The following ARHGAP32 variants were observed in gnomAD, a reference collection of about 807,000 sequenced individuals.
ARHGAP32 encodes rho GTPase-activating protein 32.
Under a neutral mutation model 186.5 loss-of-function variants are expected in ARHGAP32, and 51 were observed. The observed-to-expected ratio is 0.27, with a 90% CI of 0.22 to 0.35. The LOEUF (loss-of-function observed/expected upper bound fraction) is 0.35. Among genes scored for constraint, ARHGAP32 ranks in the 10% least tolerant of loss-of-function variants. ARHGAP32 has a pLI of 1.00. For missense variants in ARHGAP32, 2,186 were observed against 2,623.5 expected, an observed-to-expected ratio of 0.83 and a Z score of 3.64; for synonymous variants, 950 against 964.3, an observed-to-expected ratio of 0.99 and a Z score of 0.27.
rs2136058568 is a variant in ARHGAP32, at chr11:128,969,553, C to G, written c.5660G>C (p.Ser1887Thr). The stretch of plus-strand genomic sequence containing the variant: ...TTGGTGTGCCCTGTGCTCAGGAAGA[C>G]TGCAGCCCATGTCAGGAAGCTTCCT... ...RSRKLPDMGC[S>T]LPEHRAHQEA... Residue 1887 changes from serine (S) to threonine (T), a missense_variant, in exon 23 of 23, where the codon AGT becomes ACT. Physicochemically the swap from Ser to Thr is moderately conservative, Grantham distance 58. Around this residue, in one of 5 missense-constraint regions of ARHGAP32, gnomAD observed 1,502 missense variants for 1,570.0 expected, o/e 0.96. Coordinates refer to ENST00000682385, the MANE Select transcript of ARHGAP32 (RefSeq NM_001378024.1). The surrounding 1 kb of genome is among the most constrained non-coding windows in gnomAD (Gnocchi z 4.8). 1 of 1,614,140 alleles carries G rather than the reference C, an allele frequency of 6.2e-7. No individual in the cohort carries two copies.
At chr11:129,039,329 T>C (rs11221546) in intron 11 of ARHGAP32, among the ~76,000 whole-genome samples, 29,769 of 152,108 alleles carry the variant, frequency 0.2, 3,103 homozygotes, top group Non-Finnish European at 0.23. Flanking sequence ...TCCAAATGAA[T>C]AAACAAATAA....
At chr11:129,110,672 T>A (rs1168789570) in intron 5 of ARHGAP32, among the ~76,000 whole-genome samples, 1 of 152,156 alleles carries the variant, frequency 6.6e-6, no homozygotes, top group Non-Finnish European at 1.5e-5. Flanking sequence ...TTAAATTTAT[T>A]CCTAGGTTTT....
At chr11:129,121,114 A>G (rs1942517278) in intron 5 of ARHGAP32, among the ~76,000 whole-genome samples, 1 of 152,106 alleles carries the variant, frequency 6.6e-6, no homozygotes, top group South Asian at 2.1e-4. Context: ...ACTGAGACAT[A>G]GGAACTTTAT....
chr11:129,090,045 T>C (rs915408083), intron 6 of ARHGAP32, among the ~76,000 whole-genome samples: 13 of 152,208 alleles, frequency 8.5e-5, no homozygotes, highest in Non-Finnish European at 4.4e-5. Flanking sequence ...TTACTCAACA[T>C]CAATGAACAG....
intron 11 of ARHGAP32, among the ~76,000 whole-genome samples, chr11:129,015,897 C>T (rs1015647414): frequency 6.6e-6 from 1 of 152,142 alleles, no homozygotes; most frequent in African/African-American, 2.4e-5. Flanking sequence ...GCACAAGTGA[C>T]AGGACTTCTC....
intron 17 of ARHGAP32, among the ~76,000 whole-genome samples, chr11:128,981,133 A>G (rs1945694927): frequency 6.6e-6 from 1 of 152,158 alleles, no homozygotes; most frequent in Non-Finnish European, 1.5e-5. Context: ...TTTGGAAGCA[A>G]TTTTTCTTCT....
intron 1 of ARHGAP32, among the ~76,000 whole-genome samples, chr11:129,225,492 G>A (rs1458071091): frequency 6.6e-6 from 1 of 152,140 alleles, no homozygotes; most frequent in African/African-American, 2.4e-5. Context: ...GGAGTTTAAG[G>A]AAATCTGTAC....
chr11:129,202,678 C>T (rs1944468993), intron 1 of ARHGAP32, among the ~76,000 whole-genome samples: 1 of 152,038 alleles, frequency 6.6e-6, no homozygotes, highest in African/African-American at 2.4e-5. Flanking sequence ...CTATGAAGAA[C>T]CAAAATCAAT....
chr11:129,127,285 G>A (rs1490573231), intron 2 of ARHGAP32, among the ~76,000 whole-genome samples: 1 of 152,144 alleles, frequency 6.6e-6, no homozygotes, highest in African/African-American at 2.4e-5. Context: ...ATGCAAAAGG[G>A]CCTGACGGGA....
At chr11:129,196,367 C>T (rs968914609), upstream of ARHGAP32, among the ~76,000 whole-genome samples, 9 of 152,284 alleles carry the variant, frequency 5.9e-5, no homozygotes, top group African/African-American at 2.2e-4. Context: ...CAGGCTTCTT[C>T]TTGTCATTAT....
At chr11:129,031,937 T>G (rs918105412) in intron 11 of ARHGAP32, among the ~76,000 whole-genome samples, 1 of 152,144 alleles carries the variant, frequency 6.6e-6, no homozygotes, top group African/African-American at 2.4e-5. Flanking sequence ...CGGCAGGACT[T>G]CAGAGGAGAG....
At chr11:129,026,663 C>G (rs960156206) in intron 11 of ARHGAP32, among the ~76,000 whole-genome samples, 1 of 151,650 alleles carries the variant, frequency 6.6e-6, no homozygotes, top group Non-Finnish European at 1.5e-5. Context: ...CATGGTGGCG[C>G]ATGCCTGTAA....
chr11:129,178,404 G>C (rs1387089082), intron 1 of ARHGAP32, among the ~76,000 whole-genome samples: 1 of 151,676 alleles, frequency 6.6e-6, no homozygotes, highest in African/African-American at 2.4e-5. Context: ...TCCCCATCAA[G>C]CTACCAATGA....
chr11:129,026,664 A>C (rs1938861965), intron 11 of ARHGAP32, among the ~76,000 whole-genome samples: 1 of 151,652 alleles, frequency 6.6e-6, no homozygotes, highest in East Asian at 1.9e-4. Flanking sequence ...ATGGTGGCGC[A>C]TGCCTGTAAT....
intron 1 of ARHGAP32, among the ~76,000 whole-genome samples, chr11:129,167,326 A>T (rs1175930584): frequency 6.6e-6 from 1 of 152,028 alleles, no homozygotes; most frequent in Non-Finnish European, 1.5e-5. Flanking sequence ...TCAAAATGTT[A>T]AAACAGAGAA....
At position 129,148,026 on chromosome 11, in the gene ARHGAP32, A is replaced by C. The variant is rs1224728836; in HGVS notation, c.225+16293T>G. On this transcript the variant is annotated intron_variant, in intron 2 of 22. Transcript: ENST00000682385. ...GAAATAAAACTATTTCCCATCTGAA[A>C]CTTTTAGGAAAGCCTTACATCTTAA... is the stretch of plus-strand genomic sequence containing the variant. 2.0e-5 allele frequency among the ~76,000 whole-genome samples: 3 copies of C among 152,196 alleles called. No individual in the cohort carries two copies. In the East Asian group the frequency reaches 5.8e-4, roughly 29 times the overall value.
chr11:129,072,224 T>C (rs1432216850), intron 6 of ARHGAP32, among the ~76,000 whole-genome samples: 1 of 152,232 alleles, frequency 6.6e-6, no homozygotes, highest in African/African-American at 2.4e-5. Flanking sequence ...ATTTAAAATA[T>C]ATTTTTAAAA....
chr11:129,017,724 T>A (rs186662775), intron 11 of ARHGAP32, among the ~76,000 whole-genome samples: 147 of 152,278 alleles, frequency 9.7e-4, no homozygotes, highest in Admixed American at 5.2e-3. Context: ...CTTTTAATTC[T>A]TTTTGTCTAA....
chr11:129,229,631 G>C (rs1175620272), intron 1 of ARHGAP32, among the ~76,000 whole-genome samples: 1 of 152,150 alleles, frequency 6.6e-6, no homozygotes, highest in East Asian at 1.9e-4. Flanking sequence ...ACAAAAGGTA[G>C]CGTAGTGGAG....
Sources: gnomAD v4.1 joint callset for allele counts (sites outside exome capture counted in the v4.1 genomes callset) on GRCh38, gnomAD v4.1.1 for gene constraint, gnomAD v4.1.1 regional missense constraint, Gnocchi (gnomAD v3.1) non-coding constraint, MANE v1.5 for transcripts, NCBI Gene and HGNC (gene_info 2026-07-23, HGNC 2026-07-21) for gene names.